Variants in PUDP observed in about 807,000 individuals in gnomAD.
PUDP encodes pseudouridine 5'-phosphatase.
In PUDP, 8 loss-of-function variants were observed where a neutral mutation model predicts 9.4. That is an observed-to-expected ratio of 0.85 (90% CI 0.50 to 1.53). PUDP has a LOEUF of 1.53. PUDP is among the 40% of genes most tolerant of loss of function. PUDP has a pLI of 0.00. For synonymous variants in PUDP, 99 were observed against 80.7 expected (o/e 1.23, Z -1.22); for missense variants, 188 against 189.7 (o/e 0.99, Z 0.05).
Position 6,983,234 on chromosome X carries a change from C to T in PUDP, c.205-4891G>A, listed in dbSNP as rs6639742. ...TTTTATTATTACTCGAATCAGTGTC[C>T]CCAAGAACTTGGGGATCAGAGTTTT... On this transcript the variant is annotated intron_variant and NMD_transcript_variant, in intron 1 of 3. Coordinates refer to the PUDP transcript ENST00000655425. Among the ~76,000 whole-genome samples the T allele has an allele frequency of 5.3e-4, 59 of 111,115 alleles. No homozygotes were observed. The East Asian group carries it at 0.014, about 26-fold the overall frequency.
intron 1 of PUDP, among the ~76,000 whole-genome samples, chrX:6,980,153 T>C (rs1929012624): frequency 9.8e-6 from 1 of 102,176 alleles, no homozygotes; most frequent in African/African-American, 3.6e-5. Flanking sequence ...TCTCCTCCCT[T>C]CCTCTCCCCT....
rs779558237 is a variant in PUDP, at chrX:6,732,565, T to G, written c.*248-26099A>C. On this transcript the variant is annotated intron_variant and NMD_transcript_variant, in intron 3 of 3. Transcript: ENST00000655425. Reference sequence around the variant, plus strand: ...AAAGAGAGAGAAAGAGGGAGGGAGGTAGGGAGGGAGAGAGGGAGGGAGGGA... The same window carrying G: ...AAAGAGAGAGAAAGAGGGAGGGAGGGAGGGAGGGAGAGAGGGAGGGAGGGA... Among the ~76,000 whole-genome samples the G allele has an allele frequency of 6.4e-4, 45 of 70,810 alleles. 1 individual carries two copies. In the South Asian group the frequency reaches 0.025, roughly 39 times the overall value. The allele number at this position is 70,810 out of a possible 115,157, so 61.5% of individuals were successfully genotyped here.
At chrX:6,751,843 GGTGTTTTTGCAGCTTC>G (rs1925092810) in intron 3 of PUDP, among the ~76,000 whole-genome samples, 1 of 110,869 alleles carries the variant, frequency 9.0e-6, no homozygotes, top group African/African-American at 3.3e-5. Context: ...AAGAACGATT[GGTGTTTTTGCAGCTTC>G]ACTGCAGTTT....
intron 3 of PUDP, among the ~76,000 whole-genome samples, chrX:6,907,488 A>G (rs762854138): frequency 6.3e-5 from 7 of 111,677 alleles, no homozygotes; most frequent in Non-Finnish European, 1.1e-4. Context: ...ACCCTGTTTT[A>G]TCTTCTCCAC....
At chrX:7,008,129 A>T (rs886230157) in intron 1 of PUDP, among the ~76,000 whole-genome samples, 11 of 109,073 alleles carry the variant, frequency 1.0e-4, no homozygotes, top group Non-Finnish European at 1.9e-4. Flanking sequence ...ACGCGCAGCT[A>T]ATTTTTTTGT....
At chrX:6,790,236 T>A (rs1360269543) in intron 3 of PUDP, among the ~76,000 whole-genome samples, 1 of 111,250 alleles carries the variant, frequency 9.0e-6, no homozygotes, top group Non-Finnish European at 1.9e-5. Flanking sequence ...GGATATGATA[T>A]ATAGATGGAG....
intron 3 of PUDP, among the ~76,000 whole-genome samples, chrX:6,947,272 C>A (rs1206971216): frequency 9.0e-6 from 1 of 111,075 alleles, no homozygotes; most frequent in Admixed American, 9.6e-5. Flanking sequence ...CTCGGCCCCC[C>A]AAAGTGCTGG....
rs755311184 is a variant in PUDP, at chrX:6,900,768, G to GT, written c.*247+76364dup. ...GCATACCAGATGACCAATTTTTTTTGTTTTTTTGTTTTGTTTTGTTTTGTT... is the reference window on the plus strand; with the variant it reads ...GCATACCAGATGACCAATTTTTTTTGTTTTTTTTGTTTTGTTTTGTTTTGTT... On this transcript the variant is annotated intron_variant and NMD_transcript_variant, in intron 3 of 3. Coordinates refer to the PUDP transcript ENST00000655425. Among the ~76,000 whole-genome samples, 79 of 106,772 alleles carry GT rather than the reference G, an allele frequency of 7.4e-4. 1 individual carries two copies. The highest frequency in any genetic ancestry group is 4.7e-3 in the Middle Eastern group (1 of 215). 92.7% of individuals were successfully genotyped at this position (106,772 alleles called of 115,157 possible).
intron 3 of PUDP, among the ~76,000 whole-genome samples, chrX:7,055,750 C>T (rs923029069): frequency 1.8e-5 from 2 of 109,851 alleles, no homozygotes; most frequent in Non-Finnish European, 3.8e-5. Context: ...CTTGGAACAA[C>T]TGTGTCTGGT....
At chrX:6,711,210 CTG>C (rs1379049972) in intron 1 of PUDP, among the ~76,000 whole-genome samples, 4 of 111,207 alleles carry the variant, frequency 3.6e-5, no homozygotes, top group African/African-American at 6.6e-5. Context: ...ACGAGGGAAA[CTG>C]TGCATTGTTA....
At chrX:6,805,392 C>T (rs745398099) in intron 3 of PUDP, among the ~76,000 whole-genome samples, 19 of 111,322 alleles carry the variant, frequency 1.7e-4, no homozygotes, top group African/African-American at 2.6e-4. Flanking sequence ...GAAGACAGTC[C>T]GCTTGAGGGT....
chrX:7,145,204 T>C (rs766325485), intron 1 of PUDP, among the ~76,000 whole-genome samples: 1 of 112,470 alleles, frequency 8.9e-6, no homozygotes, highest in East Asian at 2.8e-4. Flanking sequence ...TTAAATAATA[T>C]TTTTGATACA....
intron 2 of PUDP, among the ~76,000 whole-genome samples, chrX:7,088,503 T>C (rs924381668): frequency 1.8e-5 from 2 of 112,176 alleles, no homozygotes; most frequent in African/African-American, 6.5e-5. Flanking sequence ...GACTCAATAT[T>C]TCCCTGTGCT....
chrX:7,051,854 TGA>T (rs1183306379), intron 3 of PUDP, among the ~76,000 whole-genome samples: 1 of 112,444 alleles, frequency 8.9e-6, no homozygotes, highest in Non-Finnish European at 1.9e-5. Context: ...GCTTTTTAAC[TGA>T]GACTCTGCAG....
intron 3 of PUDP, among the ~76,000 whole-genome samples, chrX:6,733,038 G>T (rs894849215): frequency 8.9e-6 from 1 of 112,226 alleles, no homozygotes; most frequent in Non-Finnish European, 1.9e-5. Flanking sequence ...CCAGGTAAAA[G>T]ACTGCAGGGT....
At chrX:7,023,141 C>A (rs1468310481) in intron 1 of PUDP, among the ~76,000 whole-genome samples, 1 of 112,047 alleles carries the variant, frequency 8.9e-6, no homozygotes, top group African/African-American at 3.2e-5. Context: ...TATTTAGCTC[C>A]AGGCTGAGTC....
At chrX:7,001,483 G>A (rs1929323968) in intron 1 of PUDP, among the ~76,000 whole-genome samples, 2 of 111,062 alleles carry the variant, frequency 1.8e-5, no homozygotes, top group African/African-American at 6.5e-5. Flanking sequence ...AGATACTTCT[G>A]AGAAAAAGAA....
At chrX:6,851,135 C>T (rs1010518395) in intron 3 of PUDP, among the ~76,000 whole-genome samples, 15 of 111,819 alleles carry the variant, frequency 1.3e-4, no homozygotes, top group African/African-American at 4.9e-4. Context: ...AAAGAAAAAT[C>T]ACGTTTATAT....
At chrX:6,889,605 GGATT>G (rs1342400858) in intron 3 of PUDP, among the ~76,000 whole-genome samples, 1 of 111,827 alleles carries the variant, frequency 8.9e-6, no homozygotes, top group African/African-American at 3.3e-5. Flanking sequence ...AATAGTTGTT[GGATT>G]GATGAATGAA....
Sources: allele counts gnomAD v4.1 joint callset (sites outside exome capture counted in the v4.1 genomes callset), GRCh38; gene constraint gnomAD v4.1.1; transcripts MANE v1.5; gene names NCBI Gene and HGNC (gene_info 2026-07-23, HGNC 2026-07-21).